The following PLXNA4 variants were observed in gnomAD, a reference collection of about 807,000 sequenced individuals.
PLXNA4 encodes the protein plexin A4.
Under a neutral mutation model 191.8 loss-of-function variants are expected in PLXNA4, and 44 were observed. That is an observed-to-expected ratio of 0.23 (90% CI 0.18 to 0.29). PLXNA4 has a LOEUF of 0.29. Ranked by LOEUF, PLXNA4 falls within the 10% of genes least tolerant of loss-of-function variation. The pLI, the probability that PLXNA4 is intolerant of heterozygous loss-of-function variation, is 1.00. For synonymous variants in PLXNA4, 1,082 were observed against 1,009.5 expected, an observed-to-expected ratio of 1.07 and a Z score of -1.36; for missense variants, 1,800 against 2,488.8, an observed-to-expected ratio of 0.72 and a Z score of 5.89.
At chr7:132,176,715 TATGTCA>T (rs1171627056) in intron 20 of PLXNA4, among the ~76,000 whole-genome samples, 1 of 150,920 alleles carries the variant, frequency 6.6e-6, no homozygotes, top group Non-Finnish European at 1.5e-5. Flanking sequence ...TGAATGAATG[TATGTCA>T]ATGAGTGTGT....
At chr7:132,638,070 G>A (rs1419642552) in intron 2 of PLXNA4, among the ~76,000 whole-genome samples, 1 of 152,200 alleles carries the variant, frequency 6.6e-6, no homozygotes, top group African/African-American at 2.4e-5. Context: ...CCAGGGCCCA[G>A]GCTGAAGCCT....
intron 4 of PLXNA4, among the ~76,000 whole-genome samples, chr7:132,285,298 A>G (rs1800642855): frequency 6.6e-6 from 1 of 152,238 alleles, no homozygotes; most frequent in Non-Finnish European, 1.5e-5. Context: ...CTGTGATTCT[A>G]GCCCTGAACC....
chr7:132,345,658 T>C (rs1284104307), intron 3 of PLXNA4, among the ~76,000 whole-genome samples: 2 of 152,120 alleles, frequency 1.3e-5, no homozygotes, highest in African/African-American at 2.4e-5. Context: ...GGAACTCCCC[T>C]CCAATAACCA....
chr7:132,561,796 C>T (rs1349746911), intron 1 of PLXNA4, among the ~76,000 whole-genome samples: 1 of 140,902 alleles, frequency 7.1e-6, no homozygotes, highest in Non-Finnish European at 1.5e-5. Flanking sequence ...TTAACCTCCT[C>T]CTCCTTATCC....
intron 3 of PLXNA4, among the ~76,000 whole-genome samples, chr7:132,354,667 G>C (rs1179495104): frequency 1.3e-5 from 2 of 152,206 alleles, no homozygotes; most frequent in East Asian, 3.9e-4. Context: ...AATCAGGACA[G>C]TGAAAGCTCT....
intron 4 of PLXNA4, among the ~76,000 whole-genome samples, chr7:132,274,708 G>A (rs1186532594): frequency 6.8e-6 from 1 of 146,414 alleles, no homozygotes; most frequent in African/African-American, 2.5e-5. Flanking sequence ...ATTAGAATGA[G>A]TTATATATTT....
At chr7:132,219,195 C>T (rs1020748683) in intron 9 of PLXNA4, among the ~76,000 whole-genome samples, 1 of 152,176 alleles carries the variant, frequency 6.6e-6, no homozygotes, top group African/African-American at 2.4e-5. Context: ...TCACCAGGGC[C>T]TGGGTATACC....
intron 1 of PLXNA4, among the ~76,000 whole-genome samples, chr7:132,561,843 TC>T (rs1801129755): frequency 7.0e-6 from 1 of 142,782 alleles, no homozygotes; most frequent in Non-Finnish European, 1.5e-5. Context: ...CGCCTCCTTC[TC>T]CTCCTCCTCC....
chr7:132,495,515 C>T (rs769221212), intron 2 of PLXNA4, among the ~76,000 whole-genome samples: 1 of 152,208 alleles, frequency 6.6e-6, no homozygotes, highest in Non-Finnish European at 1.5e-5. Flanking sequence ...ACCTGCCCTG[C>T]TGCTCTGGGG....
intron 2 of PLXNA4, among the ~76,000 whole-genome samples, chr7:132,501,674 T>C (rs117033309): frequency 0.012 from 1,900 of 152,078 alleles, 20 homozygotes; most frequent in Admixed American, 0.02. Flanking sequence ...AAGAGGGAGG[T>C]GGGCGGGCCT....
intron 3 of PLXNA4, among the ~76,000 whole-genome samples, chr7:132,332,545 T>C (rs1000975275): frequency 1.3e-5 from 2 of 152,042 alleles, no homozygotes; most frequent in Admixed American, 1.3e-4. Context: ...ACTGGGAGAA[T>C]TTATTCCAGT....
chr7:132,150,173 G>A (rs1795554046), intron 25 of PLXNA4, among the ~76,000 whole-genome samples: 1 of 152,234 alleles, frequency 6.6e-6, no homozygotes, highest in South Asian at 2.1e-4. Flanking sequence ...TGCTCATGGT[G>A]ATTATGGTCT....
At chr7:132,400,449 T>A (rs781539938) in intron 3 of PLXNA4, among the ~76,000 whole-genome samples, 1 of 152,220 alleles carries the variant, frequency 6.6e-6, no homozygotes, top group Non-Finnish European at 1.5e-5. Flanking sequence ...AAATTCCATA[T>A]GTTTGACAAA....
At chr7:132,527,049 C>T (rs1323775447) in intron 1 of PLXNA4, among the ~76,000 whole-genome samples, 1 of 152,176 alleles carries the variant, frequency 6.6e-6, no homozygotes, top group Non-Finnish European at 1.5e-5. Flanking sequence ...GGGTTAAATC[C>T]TGTTAAATGT....
Position 132,130,567 on chromosome 7 carries a change from C to A in PLXNA4, c.5597G>T (p.Gly1866Val), listed in dbSNP as rs2116488757. 1 of 1,614,076 alleles carries A rather than the reference C, an allele frequency of 6.2e-7. No homozygotes were observed. Among genetic ancestry groups the A allele is most frequent in the Non-Finnish European group, 8.5e-7 (1 of 1,179,998 alleles). Residue 1866 changes from glycine (G) to valine (V), a missense_variant, in exon 32 of 32, where the codon GGA becomes GTA. By Grantham distance (109) the Gly-to-Val change is moderately radical. Around this residue, in one of 6 missense-constraint regions of PLXNA4, gnomAD observed 83 missense variants for 81.6 expected, o/e 1.02. Coordinates refer to ENST00000321063, the MANE Select transcript of PLXNA4 (RefSeq NM_020911.2). ...ACACTGGTCATCGTGGTCCAGAGGT[C>A]CAAGGATCTGCGGAAGGGCCAAGAA... ...YVGKYSEEIL[G>V]PLDHDDQCGK...
At chr7:132,510,090 T>C (rs1798647587) in intron 1 of PLXNA4, among the ~76,000 whole-genome samples, 1 of 152,228 alleles carries the variant, frequency 6.6e-6, no homozygotes, top group Non-Finnish European at 1.5e-5. Flanking sequence ...GCTTCCTGCA[T>C]GTGTTCCCAT....
intron 2 of PLXNA4, among the ~76,000 whole-genome samples, chr7:132,615,926 G>GCTCTCTCTCT (rs1349796690): frequency 3.6e-5 from 1 of 27,784 alleles, no homozygotes; most frequent in African/African-American, 9.1e-5. Context: ...ACAGATAAAG[G>GCTCTCTCTCT]ATCTCTCTCT....
intron 21 of PLXNA4, 124 bp downstream of exon 21, chr7:132,174,654 G>A (rs977016502): frequency 4.8e-6 from 7 of 1,444,432 alleles, no homozygotes; most frequent in Non-Finnish European, 6.5e-6. Context: ...CAATCTGGGG[G>A]ACCTTGGGCA....
Position 132,227,560 on chromosome 7 carries a change from G to C in PLXNA4, c.1773C>G (p.Val591=). 1 of 1,614,194 alleles carries C rather than the reference G, an allele frequency of 6.2e-7. No homozygotes were observed. Among genetic ancestry groups the C allele is most frequent in the Non-Finnish European group, 8.5e-7 (1 of 1,180,046 alleles). ...CTGACAGGTCCTCAAAGGTGCAGTT[G>C]ACGCCAGCTGACAGCTCCGGGACAT... The part of the protein sequence containing the change: ...TYNVPELSAG[V]NCTFEDLSEM... Residue 591 remains valine, a synonymous_variant, in exon 7 of 32, where the codon GTC becomes GTG. Coordinates refer to ENST00000321063, the MANE Select transcript of PLXNA4 (RefSeq NM_020911.2).
Sources: allele counts gnomAD v4.1 joint callset (sites outside exome capture counted in the v4.1 genomes callset), GRCh38; gene constraint gnomAD v4.1.1; regional missense constraint gnomAD v4.1.1; transcripts MANE v1.5; gene names NCBI Gene and HGNC (gene_info 2026-07-23, HGNC 2026-07-21).